Variants in DOK6 observed in about 807,000 individuals in gnomAD.
The protein encoded by DOK6 is docking protein 6, also known as downstream of tyrosine kinase 6.
Under a neutral mutation model 44.0 loss-of-function variants are expected in DOK6, and 22 were observed. The ratio of observed to expected loss-of-function variants is 0.50; its 90% CI spans 0.36 to 0.71. DOK6 has a LOEUF of 0.71. Ranked by LOEUF, DOK6 falls within the 30% of genes least tolerant of loss-of-function variation. The pLI, the probability that DOK6 is intolerant of heterozygous loss-of-function variation, is 0.00. For missense variants in DOK6, 340 were observed against 416.4 expected (o/e 0.82, Z 1.60); for synonymous variants, 166 against 145.5 (o/e 1.14, Z -1.01).
chr18:69,588,424 T>TCTA (rs1983553855), intron 2 of DOK6, among the ~76,000 whole-genome samples: 1 of 152,158 alleles, frequency 6.6e-6, no homozygotes, highest in Non-Finnish European at 1.5e-5. Context: ...TCCTCTTCAA[T>TCTA]CTAGTAGAGT....
intron 1 of DOK6, among the ~76,000 whole-genome samples, chr18:69,404,495 T>C (rs1916161415): frequency 6.6e-6 from 1 of 152,140 alleles, no homozygotes; most frequent in Non-Finnish European, 1.5e-5. Flanking sequence ...TTATCAGAAA[T>C]AGATGCAGCT....
intron 4 of DOK6, among the ~76,000 whole-genome samples, chr18:69,691,961 G>T (rs1434302231): frequency 6.6e-6 from 1 of 152,150 alleles, no homozygotes; most frequent in Non-Finnish European, 1.5e-5. Context: ...AAAGAGAGCG[G>T]TAGCATTTGA....
chr18:69,609,378 G>T (rs1984080567), intron 3 of DOK6, among the ~76,000 whole-genome samples: 1 of 152,056 alleles, frequency 6.6e-6, no homozygotes, highest in Non-Finnish European at 1.5e-5. Context: ...TGGTCAACAG[G>T]TGTATGAAAG....
At chr18:69,566,198 C>T (rs1319838429) in intron 2 of DOK6, among the ~76,000 whole-genome samples, 5 of 152,070 alleles carry the variant, frequency 3.3e-5, no homozygotes, top group Admixed American at 2.6e-4. Flanking sequence ...AATGCAGTGG[C>T]GCGATCTCGG....
chr18:69,753,188 C>T (rs557357000), intron 6 of DOK6, among the ~76,000 whole-genome samples: 103 of 152,164 alleles, frequency 6.8e-4, no homozygotes, highest in African/African-American at 2.4e-3. Context: ...CTACGAATCT[C>T]AAATATTTAC....
chr18:69,705,175 C>A (rs923581557), intron 5 of DOK6: 4 of 152,168 alleles, frequency 2.6e-5, no homozygotes, highest in Admixed American at 2.6e-4. Context: ...AAGCGTTGCA[C>A]GTTTCTCAGT....
intron 7 of DOK6, 101 bp downstream of exon 7, chr18:69,757,974 C>G: frequency 1.0e-6 from 1 of 1,002,684 alleles, no homozygotes; most frequent in Non-Finnish European, 1.6e-6. Context: ...GCTTTTCCTC[C>G]CATTCCCATT....
chr18:69,598,253 T>A (rs926753529), intron 2 of DOK6, among the ~76,000 whole-genome samples: 51 of 151,574 alleles, frequency 3.4e-4, no homozygotes, highest in African/African-American at 1.2e-3. Flanking sequence ...ATATATTAGA[T>A]TATATAACTA....
intron 1 of DOK6, among the ~76,000 whole-genome samples, chr18:69,402,827 T>C (rs1190136308): frequency 6.6e-6 from 1 of 152,172 alleles, no homozygotes; most frequent in Non-Finnish European, 1.5e-5. Flanking sequence ...TTTCAAGGGC[T>C]TTTCTTGGGT....
rs946028094 is a variant in DOK6, at chr18:69,436,160, G to A, written c.66+34850G>A. ...GAGTTCTTTGTCTTGATACATATAC[G>A]AATTATCTGGATTTTTTTTTTTTTT... On this transcript the variant is annotated intron_variant, in intron 1 of 7. Coordinates refer to ENST00000382713, the MANE Select transcript of DOK6 (RefSeq NM_152721.6). Among the ~76,000 whole-genome samples the A allele has an allele frequency of 5.0e-5, 7 of 139,450 alleles. No homozygotes were observed. The East Asian group carries it at 9.0e-4, about 18-fold the overall frequency. The allele number at this position is 139,450 out of a possible 152,430, so 91.5% of individuals were successfully genotyped here.
At chr18:69,455,066 AAAAGAAAAG>A (rs547929822) in intron 1 of DOK6, among the ~76,000 whole-genome samples, 2,498 of 102,798 alleles carry the variant, frequency 0.024, 26 homozygotes, top group Non-Finnish European at 0.033. Flanking sequence ...TAATAAAAAA[AAAAGAAAAG>A]AAAAGAAAAG....
At chr18:69,611,022 A>G (rs924759474) in intron 3 of DOK6, among the ~76,000 whole-genome samples, 1 of 152,114 alleles carries the variant, frequency 6.6e-6, no homozygotes, top group Non-Finnish European at 1.5e-5. Flanking sequence ...GGTGGATGGA[A>G]AAGGAAAAGG....
intron 1 of DOK6, among the ~76,000 whole-genome samples, chr18:69,529,265 T>C (rs1350277395): frequency 6.6e-6 from 1 of 152,194 alleles, no homozygotes; most frequent in East Asian, 1.9e-4. Flanking sequence ...ATGTCTTTTT[T>C]CCCTCACCCT....
At chr18:69,575,209 G>A (rs764169905) in intron 2 of DOK6, among the ~76,000 whole-genome samples, 1 of 152,090 alleles carries the variant, frequency 6.6e-6, no homozygotes, top group Non-Finnish European at 1.5e-5. Flanking sequence ...GGTGGTGGAT[G>A]CATGATTTTG....
intron 4 of DOK6, among the ~76,000 whole-genome samples, chr18:69,680,003 C>T (rs964214247): frequency 7.2e-5 from 11 of 151,922 alleles, no homozygotes; most frequent in Admixed American, 3.3e-4. Context: ...AAAATAATTC[C>T]TGTGTATACT....
intron 6 of DOK6, among the ~76,000 whole-genome samples, chr18:69,744,691 G>A (rs1029097290): frequency 2.6e-5 from 4 of 151,900 alleles, no homozygotes; most frequent in African/African-American, 4.8e-5. Context: ...TTGGGAGGCC[G>A]AGGCGGACAG....
intron 1 of DOK6, among the ~76,000 whole-genome samples, chr18:69,430,344 T>A (rs1365258090): frequency 6.6e-6 from 1 of 152,218 alleles, no homozygotes; most frequent in African/African-American, 2.4e-5. Context: ...AGATTTAAGG[T>A]ACAGGTTATT....
chr18:69,702,252 A>T (rs1321903439), intron 5 of DOK6, among the ~76,000 whole-genome samples: 1 of 151,482 alleles, frequency 6.6e-6, no homozygotes, highest in East Asian at 1.9e-4. Context: ...TGAACTACTG[A>T]TATCTGTCCT....
At chr18:69,772,977 C>T (rs1474205919) in intron 7 of DOK6, among the ~76,000 whole-genome samples, 1 of 151,934 alleles carries the variant, frequency 6.6e-6, no homozygotes, top group Non-Finnish European at 1.5e-5. Context: ...ACATAAGGAA[C>T]TCCTACAACT....
Sources: gnomAD v4.1 joint callset for allele counts (sites outside exome capture counted in the v4.1 genomes callset) on GRCh38, gnomAD v4.1.1 for gene constraint, MANE v1.5 for transcripts, NCBI Gene and HGNC (gene_info 2026-07-23, HGNC 2026-07-21) for gene names.